The following BCAT1 variants were observed in gnomAD, a reference collection of about 807,000 sequenced individuals.
The protein encoded by BCAT1 is branched-chain-amino-acid aminotransferase, cytosolic.
Under a neutral mutation model 52.4 loss-of-function variants are expected in BCAT1, and 48 were observed. That is an observed-to-expected ratio of 0.92 (90% CI 0.73 to 1.16). The LOEUF is 1.16. Among genes scored for constraint, BCAT1 ranks in the 50% most tolerant of loss-of-function variants. BCAT1 has a pLI of 0.00. For synonymous variants in BCAT1, 167 were observed against 161.3 expected (o/e 1.04, Z -0.27); for missense variants, 451 against 457.1 (o/e 0.99, Z 0.12).
At chr12:24,907,288 C>T (rs1943240594) in intron 1 of BCAT1, among the ~76,000 whole-genome samples, 1 of 152,202 alleles carries the variant, frequency 6.6e-6, no homozygotes. Context: ...CAGTGGGTTC[C>T]TCTGCTGTTT....
chr12:24,831,711 C>T (rs1399764087), intron 9 of BCAT1, among the ~76,000 whole-genome samples: 3 of 152,216 alleles, frequency 2.0e-5, no homozygotes, highest in East Asian at 1.9e-4. Context: ...GTTGACACCC[C>T]TAATCCCTGT....
intron 2 of BCAT1, 69 bp from the exon 3 acceptor site, chr12:24,894,544 G>C: frequency 7.7e-7 from 1 of 1,292,980 alleles, no homozygotes; most frequent in Non-Finnish European, 1.1e-6. Context: ...TTATACAGAG[G>C]GGAAAAAAAA....
At chr12:24,856,307 C>A (rs993518785) in intron 5 of BCAT1, among the ~76,000 whole-genome samples, 2 of 152,200 alleles carry the variant, frequency 1.3e-5, no homozygotes, top group African/African-American at 4.8e-5. Context: ...TTGCTCCTCA[C>A]TTTCCTACTT....
At chr12:24,830,097 C>T (rs4963804) in intron 9 of BCAT1, 200 bp from the exon 10 acceptor site, 117,379 of 429,692 alleles carry the variant, frequency 0.27, 18,432 homozygotes, top group Non-Finnish European at 0.32. Context: ...TAGCCAATGA[C>T]AGGTTATACA....
At chr12:24,887,080 A>AAAAAAAAAATATATAT (rs1245203518) in intron 3 of BCAT1, among the ~76,000 whole-genome samples, 10 of 40,742 alleles carry the variant, frequency 2.5e-4, no homozygotes, top group Non-Finnish European at 4.2e-4. Flanking sequence ...AAAAAAAAAA[A>AAAAAAAAAATATATAT]ATATATATAT....
intron 1 of BCAT1, among the ~76,000 whole-genome samples, chr12:24,922,398 T>G (rs943048973): frequency 1.3e-5 from 2 of 152,216 alleles, no homozygotes; most frequent in Non-Finnish European, 2.9e-5. Flanking sequence ...TGACTCATCC[T>G]ACATCCGGCC....
At chr12:24,820,319 G>T (rs1940062020) in intron 10 of BCAT1, among the ~76,000 whole-genome samples, 1 of 152,172 alleles carries the variant, frequency 6.6e-6, no homozygotes, top group Admixed American at 6.5e-5. Context: ...ATAATGTCTA[G>T]AAGTAGGCAT....
intron 10 of BCAT1, among the ~76,000 whole-genome samples, chr12:24,820,095 C>T (rs1008292374): frequency 1.3e-5 from 2 of 152,120 alleles, no homozygotes; most frequent in African/African-American, 4.8e-5. Context: ...TGAATTTCAT[C>T]AGTTAAAGTA....
At chr12:24,937,228 T>C (rs1190271277) in intron 1 of BCAT1, among the ~76,000 whole-genome samples, 3 of 151,274 alleles carry the variant, frequency 2.0e-5, no homozygotes, top group Admixed American at 2.0e-4. Context: ...TAGCATCCAA[T>C]CTGAGGTTGG....
At chr12:24,863,870 G>A (rs989256634) in intron 5 of BCAT1, among the ~76,000 whole-genome samples, 1 of 152,056 alleles carries the variant, frequency 6.6e-6, no homozygotes, top group East Asian at 1.9e-4. Context: ...GGTCAAAGCT[G>A]TAGTGAGCTA....
At position 24,810,196 on chromosome 12, in the gene BCAT1, G is replaced by A. The variant is rs994343045; in HGVS notation, c.*7812C>T. On this transcript the variant is annotated 3_prime_UTR_variant, in exon 11 of 11. Transcript: ENST00000261192. The stretch of plus-strand genomic sequence containing the variant: ...GTGATTATTCTACAGACCATAGGAA[G>A]CATCTACACCTCAGCTGTCGGCCGT... 1 of 152,034 alleles carries A rather than the reference G, an allele frequency of 6.6e-6. No individual in the cohort carries two copies. Among genetic ancestry groups the A allele is most frequent in the African/African-American group, 2.4e-5 (1 of 41,372 alleles). The allele number at this position is 152,034 out of a possible 1,614,324, so 9.4% of individuals were successfully genotyped here.
intron 7 of BCAT1, 75 bp from the exon 8 acceptor site, chr12:24,836,671 TA>T (rs1169278884): frequency 5.7e-6 from 7 of 1,229,184 alleles, no homozygotes; most frequent in Non-Finnish European, 8.2e-6. Context: ...GCCATTTTTT[TA>T]AAAAACCATC....
At position 24,895,528 on chromosome 12, in the gene BCAT1, A is replaced by G. The variant is rs78907149; in HGVS notation, c.79-1053T>C. On this transcript the variant is annotated intron_variant, in intron 2 of 10. Transcript: ENST00000261192. ...GAGACAGAGCAAGACTCTGTCTCAG[A>G]AAAAAAAAAAAGAAAAGAAAAGAAG... Among the ~76,000 whole-genome samples, 19 of 142,626 alleles carry G rather than the reference A, an allele frequency of 1.3e-4. No individual in the cohort carries two copies. The South Asian group carries it at 2.0e-3, about 15-fold the overall frequency. The allele number at this position is 142,626 out of a possible 152,430, so 93.6% of individuals were successfully genotyped here.
rs190728645 is a variant in BCAT1 at position 24,812,927 on chromosome 12, T to C, written c.*5081A>G. 1.3e-5 allele frequency: 2 copies of C among 152,114 alleles called. No individual in the cohort carries two copies. The highest frequency in any genetic ancestry group is 2.1e-4 in the South Asian group (1 of 4,820). The allele number at this position is 152,114 out of a possible 1,614,324, so 9.4% of individuals were successfully genotyped here. A position where few individuals can be genotyped will look rare whatever the true frequency, so the allele number is the denominator to read the frequency against. On this transcript the variant is annotated 3_prime_UTR_variant, in exon 11 of 11. Transcript: ENST00000261192. ...AAACTGAACATCATGCAACTCAAGT[T>C]ATACGTCTTGTTGATTGGGTCTATT...
intron 6 of BCAT1, among the ~76,000 whole-genome samples, chr12:24,846,528 C>T (rs955687941): frequency 1.3e-5 from 2 of 152,086 alleles, no homozygotes; most frequent in Non-Finnish European, 2.9e-5. Flanking sequence ...TTAAATACAT[C>T]CCTCCAAAAG....
chr12:24,834,155 G>A, intron 8 of BCAT1: 1 of 980,590 alleles, frequency 1.0e-6, no homozygotes, highest in African/African-American at 1.7e-5. Context: ...ATAAAGAACA[G>A]ACTGAGTTCA....
chr12:24,911,293 A>T (rs1469082353), intron 1 of BCAT1, among the ~76,000 whole-genome samples: 1 of 152,168 alleles, frequency 6.6e-6, no homozygotes, highest in East Asian at 1.9e-4. Context: ...AGTTAACACC[A>T]GATGACATAA....
chr12:24,927,386 G>A (rs1483789795), intron 1 of BCAT1, among the ~76,000 whole-genome samples: 1 of 152,164 alleles, frequency 6.6e-6, no homozygotes. Flanking sequence ...GATCTACATA[G>A]ACAAGCTACA....
chr12:24,835,298 A>G (rs1940869248), intron 8 of BCAT1, among the ~76,000 whole-genome samples: 1 of 152,130 alleles, frequency 6.6e-6, no homozygotes, highest in South Asian at 2.1e-4. Context: ...CATTTCATCT[A>G]TTTTGAAAGT....
Sources: allele counts gnomAD v4.1 joint callset (sites outside exome capture counted in the v4.1 genomes callset), GRCh38; gene constraint gnomAD v4.1.1; transcripts MANE v1.5; gene names NCBI Gene and HGNC (gene_info 2026-07-23, HGNC 2026-07-21).